The following MARK1 variants were observed in gnomAD, a reference collection of about 807,000 sequenced individuals.
MARK1 encodes the protein serine/threonine-protein kinase MARK1.
MARK1 carries 40 observed loss-of-function variants against 96.3 expected under a neutral mutation model. The ratio of observed to expected loss-of-function variants is 0.42; its 90% confidence interval spans 0.32 to 0.54. The LOEUF (loss-of-function observed/expected upper bound fraction) is 0.54. MARK1 is among the 20% of genes least tolerant of loss of function. The pLI, the probability that MARK1 is intolerant of heterozygous loss-of-function variation, is 0.16. For missense variants in MARK1, 719 were observed against 984.6 expected, an observed-to-expected ratio of 0.73 and a Z score of 3.61; for synonymous variants, 317 against 341.2, an observed-to-expected ratio of 0.93 and a Z score of 0.78.
Position 220,531,823 on chromosome 1 carries a change from A to T in MARK1, c.51+2950A>T, listed in dbSNP as rs182552643. On this transcript the variant is annotated intron_variant, in intron 1 of 17. Coordinates refer to ENST00000366917, the MANE Select transcript of MARK1 (RefSeq NM_018650.5). ...AACACTTTGTAGTAAAGTAAAAAAA[A>T]TGTGTTGCAGATAATAGAATCTATG... Among the ~76,000 whole-genome samples, 41 of 152,300 alleles carry T rather than the reference A, an allele frequency of 2.7e-4. 1 individual carries two copies. The highest frequency in any genetic ancestry group is 9.6e-4 in the African/African-American group (40 of 41,580).
intron 12 of MARK1, 23 bp downstream of exon 12, chr1:220,635,552 T>C: frequency 6.3e-7 from 1 of 1,599,892 alleles, no homozygotes; most frequent in East Asian, 2.2e-5. Flanking sequence ...GTCACATAAG[T>C]GAAGCAACAC....
intron 1 of MARK1, among the ~76,000 whole-genome samples, chr1:220,554,189 C>G (rs762018699): frequency 6.6e-6 from 1 of 152,146 alleles, no homozygotes; most frequent in Non-Finnish European, 1.5e-5. Flanking sequence ...CTCTGGCATG[C>G]TTGTGTCTTA....
At chr1:220,542,450 G>A (rs1661207837) in intron 1 of MARK1, among the ~76,000 whole-genome samples, 1 of 152,150 alleles carries the variant, frequency 6.6e-6, no homozygotes, top group South Asian at 2.1e-4. Context: ...GGTATTTGAT[G>A]GTGAACTCCT....
chr1:220,635,483 G>A lies in MARK1; in HGVS notation c.1230G>A (p.Gln410=). 6.2e-7 allele frequency: 1 copy of A among 1,613,630 alleles called. No individual in the cohort carries two copies. The highest frequency in any genetic ancestry group is 8.5e-7 in the Non-Finnish European group (1 of 1,179,902). Residue 410 remains glutamine (Q), a synonymous_variant, in exon 12 of 18, where the codon CAG becomes CAA. Coordinates refer to ENST00000366917, the MANE Select transcript of MARK1 (RefSeq NM_018650.5). ...TLQSPAHLKV[Q]RSISANQKQR... ...AGTCCCCTGCTCACCTGAAGGTCCA[G>A]AGAAGTATCTCAGCAAATCAGAAGC...
At chr1:220,590,278 A>G (rs554993421) in intron 3 of MARK1, among the ~76,000 whole-genome samples, 1 of 152,316 alleles carries the variant, frequency 6.6e-6, no homozygotes, top group African/African-American at 2.4e-5. Flanking sequence ...TTGGAGGGTT[A>G]TCATATTAGT....
rs1240474378 is a variant in MARK1, at chr1:220,632,263, T to A, written c.1072T>A (p.Tyr358Asn). Residue 358 changes from tyrosine (Y) to asparagine (N), a missense_variant, in exon 11 of 18, where the codon TAT becomes AAT. Tyr to Asn is a moderately radical substitution (Grantham distance 143). Coordinates refer to ENST00000366917, the MANE Select transcript of MARK1 (RefSeq NM_018650.5). ...AAATGATGCCTTAATAAATCAGAAGTATGATGAAGTTATGGCTACTTATAT... is the reference window on the plus strand; with the variant it reads ...AAATGATGCCTTAATAAATCAGAAGAATGATGAAGTTATGGCTACTTATAT... The part of the protein sequence containing the change: ...EINDALINQK[Y>N]DEVMATYILL... 2.6e-6 allele frequency: 4 copies of A among 1,566,318 alleles called. No individual in the cohort carries two copies. The highest frequency in any genetic ancestry group is 3.5e-6 in the Non-Finnish European group (4 of 1,157,690).
At position 220,633,842 on chromosome 1, in the gene MARK1, C is replaced by A. The variant is rs191381048; in HGVS notation, c.1122+1529C>A. Among the ~76,000 whole-genome samples, 406 of 152,272 alleles carry A rather than the reference C, an allele frequency of 2.7e-3. 4 individuals carry two copies. The highest frequency in any genetic ancestry group is 4.5e-3 in the Non-Finnish European group (308 of 68,016). ...GGGAAGAGGGGAAGTTCAATTTGAG[C>A]TGGTTGAATTTGAGATTCCTGTTGG... is the stretch of plus-strand genomic sequence containing the variant. On this transcript the variant is annotated intron_variant, in intron 11 of 17. Transcript: ENST00000366917.
chr1:220,563,633 C>G (rs1170667689), intron 1 of MARK1, among the ~76,000 whole-genome samples: 1 of 152,108 alleles, frequency 6.6e-6, no homozygotes, highest in Non-Finnish European at 1.5e-5. Context: ...GAGAAGACCC[C>G]TCTGTGTAGT....
At chr1:220,597,757 G>A (rs1665475158) in intron 3 of MARK1, among the ~76,000 whole-genome samples, 1 of 152,088 alleles carries the variant, frequency 6.6e-6, no homozygotes, top group Admixed American at 6.5e-5. Context: ...AAAATGAAAA[G>A]GAGGAAAATT....
intron 1 of MARK1, among the ~76,000 whole-genome samples, chr1:220,537,597 T>C (rs113394562): frequency 0.2 from 27,378 of 139,706 alleles, 3,391 homozygotes; most frequent in East Asian, 0.38. Context: ...TTTGGGTATA[T>C]ACCCAGTAAT....
At chr1:220,659,892 G>A (rs1669380261) in intron 17 of MARK1, among the ~76,000 whole-genome samples, 1 of 152,076 alleles carries the variant, frequency 6.6e-6, no homozygotes, top group African/African-American at 2.4e-5. Flanking sequence ...CCAGGTTCAA[G>A]CAATTCTGCC....
intron 11 of MARK1, among the ~76,000 whole-genome samples, chr1:220,632,917 A>C (rs930966836): frequency 2.0e-5 from 3 of 152,112 alleles, no homozygotes; most frequent in Non-Finnish European, 2.9e-5. Flanking sequence ...TTATAAAGTA[A>C]AGAAGTTTAT....
In MARK1 at chr1:220,653,282, G is replaced by T. The variant is rs1668987781; in HGVS notation, c.1918G>T (p.Ala640Ser). The change falls in exon 16 of 18, where the codon GCA becomes TCA. Residue 640 changes from alanine (A) to serine (S), a missense_variant. Physicochemically the swap from Ala to Ser is moderately conservative, Grantham distance 99. This residue lies in a region of MARK1 where 501 missense variants were observed against 588.3 expected (regional missense o/e 0.85). Transcript: ENST00000366917. ...PPASPSHETGAFAHARRGTST... is the reference protein window; with the variant it reads ...PPASPSHETGSFAHARRGTST... ...TGCTTCACCATCCCATGAAACGGGT[G>T]CATTTGCACATGCCAGAAGGGGAAC... 4.3e-6 allele frequency: 7 copies of T among 1,614,112 alleles called. No individual in the cohort carries two copies. The highest frequency in any genetic ancestry group is 3.3e-5 in the Admixed American group (2 of 60,006).
chr1:220,662,541 TGGGTTTTTAAA>T lies in MARK1; in HGVS notation c.*376_*386del. On this transcript the variant is annotated 3_prime_UTR_variant, in exon 18 of 18. Coordinates refer to ENST00000366917, the MANE Select transcript of MARK1 (RefSeq NM_018650.5). ...TTCTTCCCTGTTATTTACATTCTGGTGGGTTTTTAAAATTCTTACCTCCATCATGCAATTTT... is the reference window on the plus strand; with the variant it reads ...TTCTTCCCTGTTATTTACATTCTGGTATTCTTACCTCCATCATGCAATTTT... 5.9e-6 allele frequency: 1 copy of T among 168,364 alleles called. No individual in the cohort carries two copies. The highest frequency in any genetic ancestry group is 2.4e-5 in the African/African-American group (1 of 41,926). The allele number at this position is 168,364 out of a possible 1,614,324, so 10.4% of individuals were successfully genotyped here. A position where few individuals can be genotyped will look rare whatever the true frequency, so the allele number is the denominator to read the frequency against.
chr1:220,579,097 C>G (rs1664057795), intron 1 of MARK1, among the ~76,000 whole-genome samples: 1 of 152,132 alleles, frequency 6.6e-6, no homozygotes, highest in Non-Finnish European at 1.5e-5. Flanking sequence ...CTGCCTTGGC[C>G]TCCTTAAGTG....
In MARK1 at chr1:220,548,766, T is replaced by TATA. The variant is rs1224416252; in HGVS notation, c.51+19905_51+19907dup. On this transcript the variant is annotated intron_variant, in intron 1 of 17. Transcript: ENST00000366917. ...TAAGACTCCCATCTCAGAAAAAAAA[T>TATA]ATAATAATAATAATTAATAAATAAA... is the stretch of plus-strand genomic sequence containing the variant. Among the ~76,000 whole-genome samples the TATA allele has an allele frequency of 5.9e-5, 9 of 151,838 alleles. No homozygotes were observed. In the South Asian group the frequency reaches 1.7e-3, roughly 28 times the overall value.
rs976416765 is a variant in MARK1 at position 220,631,095 on chromosome 1, A to T, written c.970A>T (p.Thr324Ser). ...TGAAGAGGAAGAACTAAAGCCATAT[A>T]CTGAGCCTGATCCGGATTTCAATGA... is the stretch of plus-strand genomic sequence containing the variant. ...GHEEEELKPY[T>S]EPDPDFNDTK... Residue 324 changes from threonine to serine, a missense_variant, in exon 10 of 18, where the codon ACT (threonine) becomes TCT (serine). Coordinates refer to ENST00000366917, the MANE Select transcript of MARK1 (RefSeq NM_018650.5). The T allele has an allele frequency of 2.5e-6, 4 of 1,613,118 alleles. No homozygotes were observed. Among genetic ancestry groups the T allele is most frequent in the Admixed American group, 1.7e-5 (1 of 59,950 alleles).
intron 1 of MARK1, among the ~76,000 whole-genome samples, chr1:220,569,433 AG>A (rs1476427563): frequency 1.4e-4 from 22 of 152,196 alleles, no homozygotes; most frequent in African/African-American, 5.3e-4. Context: ...TGTTATACCT[AG>A]AGAGCCATTT....
chr1:220,635,466 G>A lies in MARK1; in HGVS notation c.1213G>A (p.Ala405Thr). The A allele has an allele frequency of 6.2e-7, 1 of 1,613,368 alleles. No homozygotes were observed. The highest frequency in any genetic ancestry group is 8.5e-7 in the Non-Finnish European group (1 of 1,179,858). ...AAACAACAGCACTCTTCAGTCCCCT[G>A]CTCACCTGAAGGTCCAGAGAAGTAT... Reference protein sequence around the residue: ...DLNNSTLQSPAHLKVQRSISA... With the variant: ...DLNNSTLQSPTHLKVQRSISA... The change falls in exon 12 of 18, where the codon GCT becomes ACT. Residue 405 changes from alanine to threonine, a missense_variant. Physicochemically the swap from Ala to Thr is moderately conservative, Grantham distance 58. This residue lies in a region of MARK1 where 501 missense variants were observed against 588.3 expected (regional missense o/e 0.85). Transcript: ENST00000366917.
Sources: allele counts gnomAD v4.1 joint callset (sites outside exome capture counted in the v4.1 genomes callset), GRCh38; gene constraint gnomAD v4.1.1; regional missense constraint gnomAD v4.1.1; transcripts MANE v1.5; gene names NCBI Gene and HGNC (gene_info 2026-07-23, HGNC 2026-07-21).